FANCD2: variants seen among roughly 807,000 people sequenced by gnomAD.
FANCD2 encodes FA complementation group D2, also known as Fanconi anemia group D2 protein.
FANCD2 carries 131 observed loss-of-function variants against 192.3 expected under a neutral mutation model. The ratio of observed to expected loss-of-function variants is 0.68; its 90% confidence interval spans 0.59 to 0.79. The LOEUF is 0.79. FANCD2 is among the 30% of genes least tolerant of loss of function. FANCD2 has a pLI of 0.00. For synonymous variants in FANCD2, 524 were observed against 612.5 expected, an observed-to-expected ratio of 0.86 and a Z score of 2.13; for missense variants, 1,508 against 1,701.6, an observed-to-expected ratio of 0.89 and a Z score of 2.00.
rs748312392 is a variant in FANCD2, at chr3:10,090,283, G to A, written c.3684-9G>A. 23 of 1,609,308 alleles carry A rather than the reference G, an allele frequency of 1.4e-5. No homozygotes were observed. Among genetic ancestry groups the A allele is most frequent in the Admixed American group, 1.7e-5 (1 of 59,932 alleles). On this transcript the variant is annotated splice_polypyrimidine_tract_variant and intron_variant, in intron 36 of 43. Coordinates refer to ENST00000675286, the MANE Select transcript of FANCD2 (RefSeq NM_001018115.3). ...TGGTGTGGGCACGCATGCTTTTCCC[G>A]TCTTCTAGGCATACTTTTGTTGTTT...
intron 2 of FANCD2, among the ~76,000 whole-genome samples, chr3:10,031,566 AG>A (rs929955612): frequency 5.3e-5 from 8 of 151,992 alleles, no homozygotes; most frequent in Admixed American, 1.3e-4. Flanking sequence ...GGCATCATTA[AG>A]GGAGAAGAGT....
At chr3:10,098,063 A>T (rs1423602232) in intron 42 of FANCD2, among the ~76,000 whole-genome samples, 4 of 152,168 alleles carry the variant, frequency 2.6e-5, no homozygotes, top group African/African-American at 9.7e-5. Context: ...CATTTTTCAG[A>T]TAGGGTAGTA....
At chr3:10,086,128 T>C (rs1477009872) in intron 33 of FANCD2, among the ~76,000 whole-genome samples, 1 of 152,240 alleles carries the variant, frequency 6.6e-6, no homozygotes, top group African/African-American at 2.4e-5. Context: ...TGCTAAATCT[T>C]CATGAATGCA....
At chr3:10,092,684 CTTTTTT>C (rs565351425) in intron 38 of FANCD2, among the ~76,000 whole-genome samples, 2 of 72,050 alleles carry the variant, frequency 2.8e-5, no homozygotes, top group African/African-American at 1.8e-4. Flanking sequence ...TCTTTCATGT[CTTTTTT>C]TTTTTTTTTT....
intron 26 of FANCD2, among the ~76,000 whole-genome samples, chr3:10,072,238 C>T (rs1423537788): frequency 7.9e-5 from 12 of 151,150 alleles, no homozygotes. Flanking sequence ...GTACCTGTAT[C>T]AAAATATCTC....
In FANCD2 at chr3:10,034,688, CCTT is replaced by C. The variant is rs762278011; in HGVS notation, c.274-6_274-4del. 6.5e-6 allele frequency: 10 copies of C among 1,538,616 alleles called. No individual in the cohort carries two copies. The African/African-American group carries it at 9.6e-5, about 15-fold the overall frequency. On this transcript the variant is annotated splice_region_variant and splice_polypyrimidine_tract_variant and intron_variant, in intron 4 of 43. Transcript: ENST00000675286. ...TTATTCTTTTTTATTTTTTAAATCT[CCTT>C]AAGATAATAGAAGAATTTGTTAGTG...
chr3:10,079,723 C>T (rs774727193), intron 30 of FANCD2, among the ~76,000 whole-genome samples: 1 of 152,132 alleles, frequency 6.6e-6, no homozygotes, highest in Non-Finnish European at 1.5e-5. Flanking sequence ...GGGCCCATGC[C>T]TCAGTGTAGT....
intron 29 of FANCD2, 51 bp from the exon 30 acceptor site, chr3:10,078,027 TATC>T (rs1479052675): frequency 1.0e-5 from 13 of 1,255,334 alleles, no homozygotes; most frequent in Admixed American, 5.0e-5. Context: ...GAAAAAAAAT[TATC>T]ATGAAATGAC....
intron 1 of FANCD2, 70 bp downstream of exon 1, chr3:10,026,543 G>A (rs55817207): frequency 2.3e-5 from 10 of 434,988 alleles, no homozygotes; most frequent in Non-Finnish European, 2.8e-5. Context: ...TCTAAGTCCG[G>A]GCCGCGGTCG....
At chr3:10,031,603 C>T (rs1253126479) in intron 2 of FANCD2, among the ~76,000 whole-genome samples, 3 of 151,770 alleles carry the variant, frequency 2.0e-5, no homozygotes, top group Non-Finnish European at 4.4e-5. Context: ...CTTCAAGTAC[C>T]TGTTTGTTTC....
At chr3:10,055,690 T>C (rs1002529616) in intron 18 of FANCD2, among the ~76,000 whole-genome samples, 1 of 151,872 alleles carries the variant, frequency 6.6e-6, no homozygotes, top group Admixed American at 6.6e-5. Context: ...CAGGCGCCTA[T>C]AGTCCCAGCT....
intron 2 of FANCD2, among the ~76,000 whole-genome samples, chr3:10,030,370 A>G (rs2086562742): frequency 6.7e-6 from 1 of 150,240 alleles, no homozygotes; most frequent in African/African-American, 2.5e-5. Flanking sequence ...GTGCTGGGAT[A>G]TCGGACGTGA....
intron 5 of FANCD2, among the ~76,000 whole-genome samples, 171 bp from the exon 6 acceptor site, chr3:10,035,002 A>T (rs184209377): frequency 1.3e-5 from 2 of 152,332 alleles, no homozygotes; most frequent in African/African-American, 4.8e-5. Flanking sequence ...CAGAATTTCA[A>T]ATCTCTACCT....
At chr3:10,061,434 A>G (rs2087564765) in intron 19 of FANCD2, among the ~76,000 whole-genome samples, 1 of 152,236 alleles carries the variant, frequency 6.6e-6, no homozygotes, top group African/African-American at 2.4e-5. Flanking sequence ...TTAAGAGTTC[A>G]GTCAGTGAAG....
intron 16 of FANCD2, among the ~76,000 whole-genome samples, 183 bp downstream of exon 16, chr3:10,048,234 G>T (rs928002639): frequency 1.1e-4 from 16 of 152,278 alleles, no homozygotes; most frequent in African/African-American, 3.6e-4. Context: ...CTAACTCTGT[G>T]TTCTGAGCTC....
chr3:10,032,809 C>G, intron 2 of FANCD2, 23 bp from the exon 3 acceptor site: 1 of 1,603,296 alleles, frequency 6.2e-7, no homozygotes, highest in Non-Finnish European at 8.5e-7. Flanking sequence ...TTGCCATATT[C>G]TTGAAAATTT....
rs35954417 is a variant in FANCD2, at chr3:10,096,709, C to T, written c.4185+237C>T. On this transcript the variant is annotated intron_variant, in intron 42 of 43. Coordinates refer to ENST00000675286, the MANE Select transcript of FANCD2 (RefSeq NM_001018115.3). ...AACATGCCATTGATATAAACAATGC[C>T]TCAGACATAAAGGAGTCAGACCAGT... is the stretch of plus-strand genomic sequence containing the variant. Among the ~76,000 whole-genome samples, 1,184 of 152,264 alleles carry T rather than the reference C, an allele frequency of 7.8e-3. 38 individuals are homozygous for T. Among genetic ancestry groups the T allele is most frequent in the South Asian group, 0.017 (80 of 4,826 alleles).
At position 10,098,761 on chromosome 3, in the gene FANCD2, A is replaced by G. The variant is rs1695128673; in HGVS notation, c.4227A>G (p.Ala1409=). 2 of 1,614,088 alleles carry G rather than the reference A, an allele frequency of 1.2e-6. No homozygotes were observed. Among genetic ancestry groups the G allele is most frequent in the Admixed American group, 1.7e-5 (1 of 60,004 alleles). Residue 1409 remains alanine, a synonymous_variant, in exon 43 of 44, where the codon GCA becomes GCG. Coordinates refer to ENST00000675286, the MANE Select transcript of FANCD2 (RefSeq NM_001018115.3). ...IKSQNSQEST[A]DESEDDMSSQ... is the part of the protein sequence containing the mutation. ...CCCAAAATTCCCAGGAGAGCACAGC[A>G]GATGAGAGTGAGGATGACATGTCAT...
At chr3:10,069,490 TC>T (rs1254729450) in intron 26 of FANCD2, among the ~76,000 whole-genome samples, 2 of 33,728 alleles carry the variant, frequency 5.9e-5, no homozygotes, top group East Asian at 1.1e-3. Flanking sequence ...CCTCCCCCTC[TC>T]CCGTCTCCCT....
Sources: allele counts gnomAD v4.1 joint callset (sites outside exome capture counted in the v4.1 genomes callset), GRCh38; gene constraint gnomAD v4.1.1; transcripts MANE v1.5; gene names NCBI Gene and HGNC (gene_info 2026-07-23, HGNC 2026-07-21).